Variants in VPS13B observed in about 807,000 individuals in gnomAD.
VPS13B encodes the protein vacuolar protein sorting 13 homolog B.
In VPS13B, 285 loss-of-function variants were observed where a neutral mutation model predicts 426.4. The ratio of observed to expected loss-of-function variants is 0.67; its 90% CI spans 0.61 to 0.74. VPS13B has a LOEUF of 0.74. Ranked by LOEUF, VPS13B falls within the 30% of genes least tolerant of loss-of-function variation. The pLI is 0.00. For missense variants in VPS13B, 4,537 were observed against 4,782.6 expected (o/e 0.95, Z 1.51); for synonymous variants, 1,676 against 1,676.4 (o/e 1.00, Z 0.01).
chr8:99,740,430 C>T (rs1407752620), intron 39 of VPS13B, among the ~76,000 whole-genome samples: 1 of 152,168 alleles, frequency 6.6e-6, no homozygotes, highest in Admixed American at 6.5e-5. Flanking sequence ...CTTCCCCAAT[C>T]TAGCAAGGCA....
At chr8:99,714,669 G>A (rs529131897) in intron 36 of VPS13B, among the ~76,000 whole-genome samples, 11 of 152,136 alleles carry the variant, frequency 7.2e-5, no homozygotes, top group Non-Finnish European at 1.6e-4. Flanking sequence ...CACTAAGGGG[G>A]TCACTTTGGT....
intron 13 of VPS13B, among the ~76,000 whole-genome samples, chr8:99,145,624 C>A (rs947615216): frequency 7.5e-5 from 8 of 106,364 alleles, no homozygotes; most frequent in African/African-American, 2.5e-4. Flanking sequence ...TCTGGAGACT[C>A]ATTCAAGTTG....
intron 31 of VPS13B, among the ~76,000 whole-genome samples, chr8:99,570,289 C>G (rs563453550): frequency 6.6e-6 from 1 of 151,640 alleles, no homozygotes; most frequent in East Asian, 1.9e-4. Flanking sequence ...TTTCTCTTTT[C>G]CTTTCTTTCT....
intron 30 of VPS13B, among the ~76,000 whole-genome samples, chr8:99,534,761 C>G (rs1823111452): frequency 6.6e-6 from 1 of 152,102 alleles, no homozygotes; most frequent in Non-Finnish European, 1.5e-5. Context: ...GTGCTACTGT[C>G]TTAAGTGTCT....
intron 43 of VPS13B, among the ~76,000 whole-genome samples, chr8:99,787,557 A>G (rs1812330143): frequency 6.6e-6 from 1 of 152,176 alleles, no homozygotes; most frequent in African/African-American, 2.4e-5. Flanking sequence ...ATCAGGTTGG[A>G]TGAGAACAAT....
At chr8:99,077,550 A>G (rs961132997) in intron 3 of VPS13B, among the ~76,000 whole-genome samples, 8 of 151,926 alleles carry the variant, frequency 5.3e-5, no homozygotes, top group African/African-American at 1.9e-4. Context: ...TTTTGAATAT[A>G]TTATCTCATT....
intron 17 of VPS13B, among the ~76,000 whole-genome samples, chr8:99,265,309 A>G (rs1777163428): frequency 6.6e-6 from 1 of 152,148 alleles, no homozygotes; most frequent in South Asian, 2.1e-4. Context: ...TTGTAGGGGA[A>G]TTGGACACAA....
intron 17 of VPS13B, among the ~76,000 whole-genome samples, chr8:99,221,423 C>T (rs1459327228): frequency 6.6e-6 from 1 of 151,876 alleles, no homozygotes; most frequent in Non-Finnish European, 1.5e-5. Context: ...TTTAAAAATA[C>T]CTAACAGGTT....
chr8:99,589,353 CG>C (rs1242930346), intron 33 of VPS13B, among the ~76,000 whole-genome samples: 14 of 151,578 alleles, frequency 9.2e-5, no homozygotes, highest in African/African-American at 3.4e-4. Flanking sequence ...TATCCCTCCC[CG>C]CTCCCCCAAC....
chr8:99,299,082 A>G (rs1418017163), intron 19 of VPS13B, among the ~76,000 whole-genome samples: 3 of 118,658 alleles, frequency 2.5e-5, no homozygotes, highest in African/African-American at 1.0e-4. Flanking sequence ...TTTTTTTGAG[A>G]CAGAGTTTCA....
intron 2 of VPS13B, among the ~76,000 whole-genome samples, chr8:99,015,665 A>G (rs1241355778): frequency 6.6e-6 from 1 of 151,764 alleles, no homozygotes. Flanking sequence ...GCACTTTGGG[A>G]GGCCAAAGCA....
intron 25 of VPS13B, among the ~76,000 whole-genome samples, chr8:99,496,629 C>T (rs947123240): frequency 1.3e-4 from 20 of 151,876 alleles, no homozygotes; most frequent in African/African-American, 9.7e-5. Context: ...CCACCCTGGG[C>T]GACACAGCAA....
At chr8:99,616,645 G>A (rs1280130374) in intron 33 of VPS13B, among the ~76,000 whole-genome samples, 1 of 152,192 alleles carries the variant, frequency 6.6e-6, no homozygotes, top group African/African-American at 2.4e-5. Context: ...GGCCAACATG[G>A]TGAAACCCCG....
intron 39 of VPS13B, among the ~76,000 whole-genome samples, chr8:99,746,716 A>G (rs1810106225): frequency 6.6e-6 from 1 of 152,166 alleles, no homozygotes; most frequent in South Asian, 2.1e-4. Flanking sequence ...AACCTGGAAA[A>G]TATTAATTCT....
chr8:99,225,437 C>T (rs973944418), intron 17 of VPS13B, among the ~76,000 whole-genome samples: 1 of 152,026 alleles, frequency 6.6e-6, no homozygotes, highest in Non-Finnish European at 1.5e-5. Context: ...CCACCACGCC[C>T]GGCTAATGTT....
intron 17 of VPS13B, among the ~76,000 whole-genome samples, chr8:99,206,521 A>G (rs2132777820): frequency 6.6e-6 from 1 of 152,322 alleles, no homozygotes; most frequent in Non-Finnish European, 1.5e-5. Flanking sequence ...GTCGTTCTGT[A>G]TGTCGTCAAC....
chr8:99,047,945 C>A (rs569055830), intron 3 of VPS13B, among the ~76,000 whole-genome samples: 16 of 152,310 alleles, frequency 1.1e-4, no homozygotes, highest in Admixed American at 2.6e-4. Context: ...ACCTTGGCAT[C>A]CCAAAGTGCT....
intron 39 of VPS13B, among the ~76,000 whole-genome samples, chr8:99,734,231 T>A (rs1833722204): frequency 6.6e-6 from 1 of 152,220 alleles, no homozygotes; most frequent in South Asian, 2.1e-4. Context: ...ATGATATTGC[T>A]TTATATGGAT....
In VPS13B at chr8:99,871,499, G is replaced by A. The variant is rs1817413289; in HGVS notation, c.11547G>A (p.Val3849=). ...CAGAAGTCCACATGGCCCTGGACGT[G>A]GTTCTGGTGAGGGGCTCAGGCCAGG... The part of the protein sequence containing the change: ...GRPEVHMALD[V]VLVRGSGQEH... Residue 3849 remains valine, a synonymous_variant, in exon 61 of 62, where the codon GTG becomes GTA. Transcript: ENST00000357162. The A allele has an allele frequency of 6.2e-7, 1 of 1,614,120 alleles. No homozygotes were observed. The highest frequency in any genetic ancestry group is 1.3e-5 in the African/African-American group (1 of 74,946).
Sources: allele counts gnomAD v4.1 joint callset (sites outside exome capture counted in the v4.1 genomes callset), GRCh38; gene constraint gnomAD v4.1.1; transcripts MANE v1.5; gene names NCBI Gene and HGNC (gene_info 2026-07-23, HGNC 2026-07-21).